The following HAPSTR1 variants were observed in gnomAD, a reference collection of about 807,000 sequenced individuals.
HAPSTR1 encodes the protein HUWE1-associated protein modifying stress responses 1.
chr16:9,092,951 T>C, the HAPSTR1 span: 1 of 1,610,816 alleles, frequency 6.2e-7, no homozygotes, highest in Admixed American at 1.7e-5. Context: ...GGACTTTCTC[T>C]CTGGGTCCCC....
the HAPSTR1 span, chr16:9,111,175 C>T: frequency 6.6e-6 from 1 of 152,258 alleles, no homozygotes; most frequent in Admixed American, 6.5e-5. Flanking sequence ...TGTGGAAACC[C>T]ACACTCTCAG....
At chr16:9,117,516 A>G in the HAPSTR1 span, 374 of 153,452 alleles carry the variant, frequency 2.4e-3, 2 homozygotes, top group African/African-American at 8.2e-3. Flanking sequence ...TGCAATTAAT[A>G]CTAAATATTG....
the HAPSTR1 span, chr16:9,111,336 C>G: frequency 1.3e-5 from 2 of 152,146 alleles, no homozygotes; most frequent in African/African-American, 2.4e-5. Flanking sequence ...ATTAATGCAC[C>G]AAAGCAGTCT....
the HAPSTR1 span, chr16:9,092,349 CGCTTCGGGGGGCCGCGACGGCGGCG>C: frequency 8.3e-7 from 1 of 1,206,772 alleles, no homozygotes; most frequent in South Asian, 3.7e-5. Context: ...GCTCAGCGGC[CGCTTCGGGGGGCCGCGACGGCGGCG>C]GCCTCGGGGA....
At chr16:9,108,067 A>G in the HAPSTR1 span, 1 of 152,148 alleles carries the variant, frequency 6.6e-6, no homozygotes. Flanking sequence ...AGGGTGCTAC[A>G]TGGTAATCTT....
chr16:9,117,505 A>G, the HAPSTR1 span: 1 of 153,584 alleles, frequency 6.5e-6, no homozygotes, highest in Non-Finnish European at 1.5e-5. Context: ...TATGATGGTC[A>G]TGCAATTAAT....
At chr16:9,104,158 A>G in the HAPSTR1 span, 1 of 138,788 alleles carries the variant, frequency 7.2e-6, no homozygotes, top group African/African-American at 2.7e-5. Flanking sequence ...CTTGTGGCCC[A>G]GGCTGGAGTG....
At chr16:9,120,598 A>G in the HAPSTR1 span, 1 of 152,060 alleles carries the variant, frequency 6.6e-6, no homozygotes, top group Non-Finnish European at 1.5e-5. Context: ...AAGATTTAAA[A>G]CAGCAAAAAT....
chr16:9,112,902 C>T, the HAPSTR1 span: 1 of 151,962 alleles, frequency 6.6e-6, no homozygotes, highest in Non-Finnish European at 1.5e-5. Flanking sequence ...TCTGTCTAAT[C>T]ATGCTACTTG....
At chr16:9,118,863 C>G in the HAPSTR1 span, 1 of 152,592 alleles carries the variant, frequency 6.6e-6, no homozygotes, top group African/African-American at 2.4e-5. Flanking sequence ...CCCTTTATGC[C>G]TTGGTTCTTG....
the HAPSTR1 span, among the ~76,000 whole-genome samples, chr16:9,099,434 C>A: frequency 1.4e-4 from 22 of 152,250 alleles, no homozygotes; most frequent in South Asian, 4.6e-3. Flanking sequence ...TTCAAGTGAT[C>A]CACCCACCTT....
chr16:9,098,825 G>T, the HAPSTR1 span, among the ~76,000 whole-genome samples: 3 of 152,178 alleles, frequency 2.0e-5, no homozygotes, highest in African/African-American at 7.2e-5. Context: ...TTGAGAGATG[G>T]CTTCTCATTT....
chr16:9,103,188 C>T, the HAPSTR1 span: 2 of 1,614,174 alleles, frequency 1.2e-6, no homozygotes, highest in Non-Finnish European at 1.7e-6. Context: ...CCTAACCGAG[C>T]TACTTCAACG....
chr16:9,114,195 A>T, the HAPSTR1 span, among the ~76,000 whole-genome samples: 2 of 151,976 alleles, frequency 1.3e-5, 1 homozygote, highest in South Asian at 4.1e-4. Flanking sequence ...GTTGAGTTTG[A>T]GATGTCCAGT....
chr16:9,120,020 T>A, the HAPSTR1 span: 1 of 152,204 alleles, frequency 6.6e-6, no homozygotes, highest in East Asian at 1.9e-4. Flanking sequence ...AACAGAATGA[T>A]TGAGTTTTTG....
chr16:9,092,379 C>G, the HAPSTR1 span: 5 of 1,010,166 alleles, frequency 4.9e-6, no homozygotes, highest in African/African-American at 5.1e-5. Flanking sequence ...GCGGCGGCCT[C>G]GGGGATCCCG....
chr16:9,099,019 G>C, the HAPSTR1 span, among the ~76,000 whole-genome samples: 2 of 151,902 alleles, frequency 1.3e-5, no homozygotes, highest in African/African-American at 4.8e-5. Flanking sequence ...GTTATGATTT[G>C]GTCTTCAGAA....
the HAPSTR1 span, among the ~76,000 whole-genome samples, chr16:9,114,674 G>C: frequency 6.6e-6 from 1 of 152,184 alleles, no homozygotes; most frequent in Non-Finnish European, 1.5e-5. Context: ...GCTGGCCCTA[G>C]GACCAACCTG....
At chr16:9,118,567 G>C in the HAPSTR1 span, 3 of 152,700 alleles carry the variant, frequency 2.0e-5, no homozygotes, top group Admixed American at 2.0e-4. Flanking sequence ...ATGAAAGTGA[G>C]AGATTTCTAA....
Sources: gnomAD v4.1 joint callset for allele counts (sites outside exome capture counted in the v4.1 genomes callset) on GRCh38, gnomAD v4.1.1 for gene constraint, MANE v1.5 for transcripts, NCBI Gene and HGNC (gene_info 2026-07-23, HGNC 2026-07-21) for gene names.